Variants in ATAD1 observed in about 807,000 individuals in gnomAD.
The protein encoded by ATAD1 is outer mitochondrial transmembrane helix translocase.
In ATAD1, 18 loss-of-function variants were observed where a neutral mutation model predicts 42.7. That is an observed-to-expected ratio of 0.42 (90% CI 0.29 to 0.63). The LOEUF is 0.63. Among genes scored for constraint, ATAD1 ranks in the 20% least tolerant of loss-of-function variants. ATAD1 has a pLI of 0.19. For synonymous variants in ATAD1, 132 were observed against 143.1 expected (o/e 0.92, Z 0.55); for missense variants, 294 against 440.4 (o/e 0.67, Z 2.98).
chr10:87,838,461 C>CAAAAAAAAA (rs770282016), intron 1 of ATAD1, among the ~76,000 whole-genome samples: 1 of 42,640 alleles, frequency 2.3e-5, no homozygotes, highest in African/African-American at 8.9e-5. Context: ...GACTCTATCT[C>CAAAAAAAAA]AAAAAAAAAA....
chr10:87,826,632 A>G (rs887094379), intron 1 of ATAD1, among the ~76,000 whole-genome samples: 3 of 152,214 alleles, frequency 2.0e-5, no homozygotes, highest in Non-Finnish European at 4.4e-5. Flanking sequence ...TCCACATTAC[A>G]GTCCCTCCAT....
chr10:87,788,254 A>G (rs1855930656), intron 4 of ATAD1, among the ~76,000 whole-genome samples: 1 of 152,192 alleles, frequency 6.6e-6, no homozygotes, highest in South Asian at 2.1e-4. Flanking sequence ...CTTTCAGCTC[A>G]GATAGCAATA....
At chr10:87,757,860 G>A (rs543128082) in intron 8 of ATAD1, among the ~76,000 whole-genome samples, 1 of 152,296 alleles carries the variant, frequency 6.6e-6, no homozygotes, top group East Asian at 1.9e-4. Flanking sequence ...AAGGACAAGA[G>A]ACTTGAAGGT....
chr10:87,838,177 TC>T (rs1225862605), intron 1 of ATAD1, among the ~76,000 whole-genome samples: 2 of 152,174 alleles, frequency 1.3e-5, no homozygotes, highest in Non-Finnish European at 2.9e-5. Flanking sequence ...TCTTTCAGTG[TC>T]CCCAAGTAGC....
intron 1 of ATAD1, among the ~76,000 whole-genome samples, chr10:87,827,085 T>C (rs1857743975): frequency 6.6e-6 from 1 of 152,208 alleles, no homozygotes; most frequent in Non-Finnish European, 1.5e-5. Context: ...AGAACAAATA[T>C]AGTCTCTGCC....
chr10:87,796,418 A>G lies in ATAD1; in HGVS notation c.163-3663T>C, dbSNP rs1319817016. Among the ~76,000 whole-genome samples, 4 of 152,160 alleles carry G rather than the reference A, an allele frequency of 2.6e-5. No individual in the cohort carries two copies. In the South Asian group the frequency reaches 6.2e-4, roughly 24 times the overall value. ...CTAGTAAGAAATTCAAAAGAATGCA[A>G]TCATTTGCCTCTTATCTACCTATGA... On this transcript the variant is annotated intron_variant, in intron 2 of 9. Coordinates refer to ENST00000680024, the MANE Select transcript of ATAD1 (RefSeq NM_001321967.2).
rs574490392 is a variant in ATAD1 at position 87,760,550 on chromosome 10, G to A, written c.832-3628C>T. ...CTCAGGTAGTTCTTTATAGCGGTTT[G>A]AGAACGGGCTAACACAGACCCCATC... is the stretch of plus-strand genomic sequence containing the variant. On this transcript the variant is annotated intron_variant, in intron 8 of 9. Coordinates refer to ENST00000680024, the MANE Select transcript of ATAD1 (RefSeq NM_001321967.2). 9.2e-5 allele frequency among the ~76,000 whole-genome samples: 14 copies of A among 152,274 alleles called. No individual in the cohort carries two copies. The South Asian group carries it at 2.7e-3, about 29-fold the overall frequency.
chr10:87,772,139 T>C (rs1472379969), intron 6 of ATAD1, among the ~76,000 whole-genome samples: 1 of 152,050 alleles, frequency 6.6e-6, no homozygotes, highest in African/African-American at 2.4e-5. Context: ...ATAATGCAAG[T>C]TTGTATTTGT....
intron 1 of ATAD1, among the ~76,000 whole-genome samples, chr10:87,825,808 C>T (rs1242346576): frequency 6.6e-6 from 1 of 151,998 alleles, no homozygotes; most frequent in Non-Finnish European, 1.5e-5. Flanking sequence ...CTTAAGCAAT[C>T]CTCCCAGCTT....
intron 1 of ATAD1, among the ~76,000 whole-genome samples, chr10:87,825,476 A>G (rs1171945604): frequency 6.6e-6 from 1 of 151,656 alleles, no homozygotes; most frequent in Non-Finnish European, 1.5e-5. Flanking sequence ...CACCCGGCTA[A>G]TTTTTTGTAT....
At chr10:87,778,676 G>A (rs553621196) in intron 5 of ATAD1, among the ~76,000 whole-genome samples, 24 of 152,200 alleles carry the variant, frequency 1.6e-4, no homozygotes, top group African/African-American at 4.1e-4. Flanking sequence ...AAAAACTTTC[G>A]AATTTTGGAG....
intron 5 of ATAD1, among the ~76,000 whole-genome samples, chr10:87,780,516 G>A (rs1855516022): frequency 6.6e-6 from 1 of 152,006 alleles, no homozygotes; most frequent in South Asian, 2.1e-4. Context: ...ATATATCTGG[G>A]GGGCATATGG....
At chr10:87,776,485 T>C in intron 5 of ATAD1, 58 bp from the exon 6 acceptor site, 1 of 1,408,902 alleles carries the variant, frequency 7.1e-7, no homozygotes, top group Non-Finnish European at 1.0e-6. Flanking sequence ...ACCCTTTTTT[T>C]TGAGACAGGG....
chr10:87,772,118 C>T (rs1239897071), intron 6 of ATAD1, among the ~76,000 whole-genome samples: 3 of 152,076 alleles, frequency 2.0e-5, no homozygotes, highest in African/African-American at 7.2e-5. Context: ...ATGTTAGTTC[C>T]ACAACACAAC....
At chr10:87,783,192 C>A (rs1054875192) in intron 5 of ATAD1, among the ~76,000 whole-genome samples, 2 of 151,860 alleles carry the variant, frequency 1.3e-5, no homozygotes, top group African/African-American at 4.8e-5. Flanking sequence ...CCATCCTGGG[C>A]AACATGGAGA....
chr10:87,770,734 C>CTA (rs1018336815), intron 7 of ATAD1, among the ~76,000 whole-genome samples: 10 of 151,810 alleles, frequency 6.6e-5, no homozygotes, highest in Non-Finnish European at 8.8e-5. Context: ...CTTGAGATAA[C>CTA]TATATATATA....
chr10:87,795,316 T>G (rs1014073125), intron 2 of ATAD1, among the ~76,000 whole-genome samples: 3 of 152,076 alleles, frequency 2.0e-5, no homozygotes, highest in Admixed American at 1.3e-4. Flanking sequence ...GTTATACAAT[T>G]GCCTAGTTTT....
intron 5 of ATAD1, among the ~76,000 whole-genome samples, chr10:87,783,758 A>G (rs1005144489): frequency 6.6e-6 from 1 of 151,956 alleles, no homozygotes; most frequent in African/African-American, 2.4e-5. Flanking sequence ...AGGATAGTCT[A>G]GTTTGCTGTC....
At chr10:87,771,555 A>ACAT (rs995104796) in intron 6 of ATAD1, among the ~76,000 whole-genome samples, 1 of 152,128 alleles carries the variant, frequency 6.6e-6, no homozygotes, top group Non-Finnish European at 1.5e-5. Context: ...TCTATATTTC[A>ACAT]CATCATCATC....
Sources: gnomAD v4.1 joint callset for allele counts (sites outside exome capture counted in the v4.1 genomes callset) on GRCh38, gnomAD v4.1.1 for gene constraint, MANE v1.5 for transcripts, NCBI Gene and HGNC (gene_info 2026-07-23, HGNC 2026-07-21) for gene names.